Variants in SYN2 observed in about 807,000 individuals in gnomAD.
The protein encoded by SYN2 is synapsin II.
In SYN2, 19 loss-of-function variants were observed where a neutral mutation model predicts 50.9. That is an observed-to-expected ratio of 0.37 (90% CI 0.26 to 0.55). The LOEUF (loss-of-function observed/expected upper bound fraction) is 0.55, where lower values mean the gene tolerates loss of function less well. Ranked by LOEUF, SYN2 falls within the 20% of genes least tolerant of loss-of-function variation. The probability of loss-of-function intolerance (pLI) is 0.81; values close to 1 mark genes in which losing one functional copy is unlikely to be tolerated. For missense variants in SYN2, 587 were observed against 576.4 expected (o/e 1.02, Z -0.19); for synonymous variants, 255 against 224.9 (o/e 1.13, Z -1.20).
chr3:12,165,561 C>G (rs1697764189), intron 7 of SYN2: 1 of 152,188 alleles, frequency 6.6e-6, no homozygotes, highest in Non-Finnish European at 1.5e-5. Context: ...TTAACACCTA[C>G]AGACAGAATT....
At chr3:12,154,950 C>A (rs940358158) in intron 5 of SYN2, among the ~76,000 whole-genome samples, 1 of 152,236 alleles carries the variant, frequency 6.6e-6, no homozygotes, top group Non-Finnish European at 1.5e-5. Flanking sequence ...ACAGGCCAGG[C>A]TCCTGCTCTA....
chr3:12,018,276 GAT>G (rs1468930715), intron 1 of SYN2, among the ~76,000 whole-genome samples: 1 of 152,154 alleles, frequency 6.6e-6, no homozygotes, highest in Non-Finnish European at 1.5e-5. Flanking sequence ...AAAAGGAAGA[GAT>G]AGTAAAAATA....
At chr3:12,189,913 C>T (rs560237148) in intron 12 of SYN2, among the ~76,000 whole-genome samples, 3 of 152,246 alleles carry the variant, frequency 2.0e-5, no homozygotes, top group South Asian at 2.1e-4. Context: ...TAGAAAGAGC[C>T]AAAAGTGCCT....
At chr3:12,051,255 G>A (rs1229019698) in intron 1 of SYN2, among the ~76,000 whole-genome samples, 1 of 151,534 alleles carries the variant, frequency 6.6e-6, no homozygotes, top group African/African-American at 2.4e-5. Flanking sequence ...TTCTAAACAG[G>A]ATTTTAAGAT....
intron 1 of SYN2, among the ~76,000 whole-genome samples, chr3:12,069,449 A>G (rs1695294577): frequency 6.6e-6 from 1 of 151,838 alleles, no homozygotes; most frequent in Non-Finnish European, 1.5e-5. Context: ...GGGTTTCACC[A>G]TGTTGGTCAG....
chr3:12,103,008 C>T (rs1267020760), intron 1 of SYN2, among the ~76,000 whole-genome samples: 1 of 152,060 alleles, frequency 6.6e-6, no homozygotes, highest in East Asian at 1.9e-4. Context: ...TTACAGTGTG[C>T]CAGATACAGT....
chr3:12,166,437 G>C (rs1345944214), intron 7 of SYN2, among the ~76,000 whole-genome samples: 1 of 152,240 alleles, frequency 6.6e-6, no homozygotes, highest in East Asian at 1.9e-4. Flanking sequence ...ATGACTCTCT[G>C]AAGGTCACCC....
chr3:12,169,619 C>T, intron 9 of SYN2, 138 bp from the exon 10 acceptor site: 1 of 931,318 alleles, frequency 1.1e-6, no homozygotes, highest in Non-Finnish European at 1.6e-6. Context: ...AATGATCACA[C>T]TTCCAGCTGA....
chr3:12,012,994 T>C (rs1693948905), intron 1 of SYN2, among the ~76,000 whole-genome samples: 1 of 152,246 alleles, frequency 6.6e-6, no homozygotes, highest in Non-Finnish European at 1.5e-5. Flanking sequence ...CTCTGTAATA[T>C]TGATACTGTT....
At chr3:12,092,328 CTCTT>C (rs1187366436) in intron 1 of SYN2, among the ~76,000 whole-genome samples, 9 of 152,234 alleles carry the variant, frequency 5.9e-5, no homozygotes, top group East Asian at 3.9e-4. Flanking sequence ...CTATATGTTG[CTCTT>C]TCTTTAAGAG....
intron 1 of SYN2, among the ~76,000 whole-genome samples, chr3:12,043,850 A>G (rs147244353): frequency 6.6e-5 from 10 of 152,232 alleles, no homozygotes; most frequent in Middle Eastern, 3.4e-3. Flanking sequence ...AAACTTCCCT[A>G]GATTTCTTTA....
chr3:12,165,964 A>G (rs1407940595), intron 7 of SYN2, among the ~76,000 whole-genome samples: 1 of 152,124 alleles, frequency 6.6e-6, no homozygotes, highest in Admixed American at 6.6e-5. Context: ...CAAGTCCTCT[A>G]ACCTTTCTGA....
intron 1 of SYN2, among the ~76,000 whole-genome samples, chr3:12,120,916 T>C (rs1696543377): frequency 6.6e-6 from 1 of 152,242 alleles, no homozygotes; most frequent in Admixed American, 6.5e-5. Context: ...TGACACCTTC[T>C]TCAAGAAGCC....
At chr3:12,170,128 T>C (rs1262795473) in intron 10 of SYN2, among the ~76,000 whole-genome samples, 3 of 152,162 alleles carry the variant, frequency 2.0e-5, no homozygotes, top group Admixed American at 1.3e-4. Flanking sequence ...ATATCAATTA[T>C]ATAATTAACC....
intron 1 of SYN2, among the ~76,000 whole-genome samples, chr3:12,098,677 C>G (rs1205196529): frequency 6.6e-6 from 1 of 151,472 alleles, no homozygotes; most frequent in Admixed American, 6.6e-5. Context: ...ATAGGGAAAA[C>G]AAGCAACAAA....
At chr3:12,032,865 CCTT>C (rs1167443144) in intron 1 of SYN2, among the ~76,000 whole-genome samples, 2 of 86,734 alleles carry the variant, frequency 2.3e-5, no homozygotes, top group African/African-American at 4.6e-5. Context: ...TCGTCTGAAG[CCTT>C]CTTCTCTCAG....
At chr3:12,040,325 G>A (rs1213492042) in intron 1 of SYN2, among the ~76,000 whole-genome samples, 2 of 151,922 alleles carry the variant, frequency 1.3e-5, no homozygotes, top group Non-Finnish European at 2.9e-5. Flanking sequence ...GAACAGGAGA[G>A]AATGTTAAAC....
At chr3:12,071,892 A>C (rs1260337490) in intron 1 of SYN2, among the ~76,000 whole-genome samples, 1 of 152,148 alleles carries the variant, frequency 6.6e-6, no homozygotes, top group Admixed American at 6.5e-5. Flanking sequence ...AGGGCTGTTA[A>C]CTTGCCTTGA....
At chr3:12,184,329 C>G in intron 11 of SYN2, 1 of 985,822 alleles carries the variant, frequency 1.0e-6, no homozygotes, top group Non-Finnish European at 1.2e-6. Flanking sequence ...GCCATGTGTG[C>G]GCTTGTGTGG....
Sources: gnomAD v4.1 joint callset for allele counts (sites outside exome capture counted in the v4.1 genomes callset) on GRCh38, gnomAD v4.1.1 for gene constraint, MANE v1.5 for transcripts, NCBI Gene and HGNC (gene_info 2026-07-23, HGNC 2026-07-21) for gene names.